The following ADGRB3 variants were observed in gnomAD, a reference collection of about 807,000 sequenced individuals.
ADGRB3 encodes adhesion G protein-coupled receptor B3, also known as brain-specific angiogenesis inhibitor 3.
In ADGRB3, 37 loss-of-function variants were observed where a neutral mutation model predicts 193.4. The observed-to-expected ratio is 0.19, with a 90% CI of 0.15 to 0.25. ADGRB3 has a LOEUF of 0.25. Among genes scored for constraint, ADGRB3 ranks in the 10% least tolerant of loss-of-function variants. ADGRB3 has a pLI of 1.00. For missense variants in ADGRB3, 1,637 were observed against 1,852.9 expected, an observed-to-expected ratio of 0.88 and a Z score of 2.14; for synonymous variants, 690 against 644.2, an observed-to-expected ratio of 1.07 and a Z score of -1.08.
chr6:68,713,444 C>T (rs1178618035), intron 3 of ADGRB3, among the ~76,000 whole-genome samples: 2 of 151,758 alleles, frequency 1.3e-5, no homozygotes, highest in Non-Finnish European at 2.9e-5. Context: ...AGCATTGGAA[C>T]CATTCTGTCC....
rs191009549 is a variant in ADGRB3, at chr6:68,992,252, A to G, written c.1735-1516A>G. On this transcript the variant is annotated intron_variant, in intron 10 of 31. Transcript: ENST00000370598. ...AGACCATGGAAGAAAAGAGGGTAGA[A>G]TATCTATTGTGAAAATCTGAAGTCA... Among the ~76,000 whole-genome samples, 14 of 152,322 alleles carry G rather than the reference A, an allele frequency of 9.2e-5. No homozygotes were observed. In the East Asian group the frequency reaches 2.3e-3, roughly 25 times the overall value.
At chr6:69,214,856 A>G (rs569148675) in intron 17 of ADGRB3, among the ~76,000 whole-genome samples, 3 of 152,036 alleles carry the variant, frequency 2.0e-5, no homozygotes, top group Admixed American at 6.6e-5. Flanking sequence ...TTCCTAAAAT[A>G]TACTTTTTAA....
intron 3 of ADGRB3, among the ~76,000 whole-genome samples, chr6:68,679,142 A>G (rs1324281216): frequency 1.3e-5 from 2 of 152,214 alleles, no homozygotes; most frequent in African/African-American, 4.8e-5. Flanking sequence ...TATTTGTTAG[A>G]TATAAAAATA....
At chr6:68,651,858 A>G (rs1768373925) in intron 3 of ADGRB3, among the ~76,000 whole-genome samples, 1 of 152,144 alleles carries the variant, frequency 6.6e-6, no homozygotes, top group South Asian at 2.1e-4. Context: ...CAGTGTCTCC[A>G]TATGTAGCCA....
At chr6:69,146,543 G>A (rs967606122) in intron 17 of ADGRB3, among the ~76,000 whole-genome samples, 1 of 152,178 alleles carries the variant, frequency 6.6e-6, no homozygotes, top group Non-Finnish European at 1.5e-5. Flanking sequence ...CAGCTGGGTG[G>A]CCACAGACAC....
At chr6:68,983,629 A>G (rs1336646) in intron 10 of ADGRB3, among the ~76,000 whole-genome samples, 87,059 of 151,618 alleles carry the variant, frequency 0.57, 25,390 homozygotes, top group East Asian at 0.69. Flanking sequence ...TCATTATACA[A>G]ATAATCATTG....
chr6:68,722,557 A>G lies in ADGRB3; in HGVS notation c.757+83125A>G, dbSNP rs117209594. 7.9e-3 allele frequency among the ~76,000 whole-genome samples: 1,199 copies of G among 151,630 alleles called. 5 individuals are homozygous for G. The highest frequency in any genetic ancestry group is 0.013 in the Non-Finnish European group (901 of 67,756). ...ACTGACGCTTAAAAGATGAAGTTATATACCACCTTGGATATTGAGTCAATT... is the reference window on the plus strand; with the variant it reads ...ACTGACGCTTAAAAGATGAAGTTATGTACCACCTTGGATATTGAGTCAATT... On this transcript the variant is annotated intron_variant, in intron 3 of 31. Coordinates refer to ENST00000370598, the MANE Select transcript of ADGRB3 (RefSeq NM_001704.3).
At chr6:69,055,146 T>G (rs909346686) in intron 15 of ADGRB3, among the ~76,000 whole-genome samples, 1 of 152,208 alleles carries the variant, frequency 6.6e-6, no homozygotes, top group Non-Finnish European at 1.5e-5. Context: ...TTACATTTTT[T>G]ATTGTGTTAA....
intron 20 of ADGRB3, among the ~76,000 whole-genome samples, chr6:69,293,851 T>C (rs1341153525): frequency 6.6e-6 from 1 of 152,006 alleles, no homozygotes; most frequent in Non-Finnish European, 1.5e-5. Context: ...ATCTGGGTGT[T>C]TATGTCTTCT....
At chr6:68,913,823 A>G (rs1766794344) in intron 3 of ADGRB3, among the ~76,000 whole-genome samples, 1 of 152,206 alleles carries the variant, frequency 6.6e-6, no homozygotes, top group South Asian at 2.1e-4. Context: ...TATAACTAGA[A>G]TAACCAATAC....
At position 68,719,940 on chromosome 6, in the gene ADGRB3, T is replaced by C. The variant is rs151043962; in HGVS notation, c.757+80508T>C. Among the ~76,000 whole-genome samples, 8 of 151,830 alleles carry C rather than the reference T, an allele frequency of 5.3e-5. No homozygotes were observed. The East Asian group carries it at 1.4e-3, about 26-fold the overall frequency. ...AGAGAGAGAGACTGATTGACAGCTTTGGGTGCATTATCACTGGTAGTGATG... is the reference window on the plus strand; with the variant it reads ...AGAGAGAGAGACTGATTGACAGCTTCGGGTGCATTATCACTGGTAGTGATG... On this transcript the variant is annotated intron_variant, in intron 3 of 31. Transcript: ENST00000370598.
At chr6:68,968,228 C>A (rs182828014) in intron 8 of ADGRB3, among the ~76,000 whole-genome samples, 7 of 152,280 alleles carry the variant, frequency 4.6e-5, no homozygotes, top group African/African-American at 1.7e-4. Context: ...ACATTTCACC[C>A]TACTGGCTCA....
intron 6 of ADGRB3, among the ~76,000 whole-genome samples, chr6:68,946,491 A>G (rs1767778788): frequency 6.6e-6 from 1 of 152,158 alleles, no homozygotes; most frequent in Non-Finnish European, 1.5e-5. Flanking sequence ...GCTAGCTTCA[A>G]TGAAAGATGG....
intron 3 of ADGRB3, among the ~76,000 whole-genome samples, chr6:68,916,258 A>G (rs1176200247): frequency 6.6e-6 from 1 of 152,246 alleles, no homozygotes; most frequent in Admixed American, 6.5e-5. Flanking sequence ...AAAATTCTGT[A>G]GATGGGATAA....
At chr6:68,773,334 A>G (rs1016401336) in intron 3 of ADGRB3, among the ~76,000 whole-genome samples, 1 of 152,090 alleles carries the variant, frequency 6.6e-6, no homozygotes, top group Non-Finnish European at 1.5e-5. Context: ...TCTTTCTTCT[A>G]CCCTGTACTA....
At chr6:69,215,691 T>TA (rs546586970) in intron 17 of ADGRB3, among the ~76,000 whole-genome samples, 25 of 149,642 alleles carry the variant, frequency 1.7e-4, no homozygotes, top group Middle Eastern at 3.2e-3. Flanking sequence ...GGGGACAGGT[T>TA]AAAAAAAAAA....
At chr6:68,888,399 G>C (rs971814113) in intron 3 of ADGRB3, among the ~76,000 whole-genome samples, 1 of 152,124 alleles carries the variant, frequency 6.6e-6, no homozygotes, top group Non-Finnish European at 1.5e-5. Context: ...TTGTGGAAGA[G>C]AGAGAAATCA....
intron 3 of ADGRB3, among the ~76,000 whole-genome samples, chr6:68,667,188 A>C (rs1768822495): frequency 1.3e-5 from 2 of 151,928 alleles, no homozygotes; most frequent in South Asian, 4.1e-4. Context: ...GGCTAAGTTC[A>C]ACTTATAATC....
chr6:69,095,478 A>G (rs1397039913), intron 17 of ADGRB3, among the ~76,000 whole-genome samples: 1 of 152,182 alleles, frequency 6.6e-6, no homozygotes, highest in African/African-American at 2.4e-5. Flanking sequence ...CACACCCAAC[A>G]TATTTAGTTA....
Sources: allele counts gnomAD v4.1 joint callset (sites outside exome capture counted in the v4.1 genomes callset), GRCh38; gene constraint gnomAD v4.1.1; transcripts MANE v1.5; gene names NCBI Gene and HGNC (gene_info 2026-07-23, HGNC 2026-07-21).